Variants in GSK3B observed in about 807,000 individuals in gnomAD.
GSK3B encodes the protein glycogen synthase kinase-3 beta.
Under a neutral mutation model 56.4 loss-of-function variants are expected in GSK3B, and 15 were observed. The observed-to-expected ratio is 0.27, with a 90% CI of 0.18 to 0.41. The LOEUF is 0.41. GSK3B is among the 10% of genes least tolerant of loss of function. The pLI is 1.00. For missense variants in GSK3B, 300 were observed against 513.4 expected, an observed-to-expected ratio of 0.58 and a Z score of 4.02; for synonymous variants, 181 against 188.9, an observed-to-expected ratio of 0.96 and a Z score of 0.34.
intron 2 of GSK3B, among the ~76,000 whole-genome samples, chr3:119,984,767 G>A (rs761388533): frequency 2.0e-5 from 3 of 152,078 alleles, no homozygotes; most frequent in Admixed American, 6.6e-5. Context: ...GGTACAAAGA[G>A]GAGCTGGCAC....
chr3:119,922,228 G>GGAA (rs2056849305), intron 4 of GSK3B, among the ~76,000 whole-genome samples: 2 of 61,464 alleles, frequency 3.3e-5, no homozygotes, highest in African/African-American at 1.8e-4. Flanking sequence ...GAAGGAAGGA[G>GGAA]GGAAGGAAGG....
chr3:119,928,524 G>C (rs558432335), intron 3 of GSK3B, among the ~76,000 whole-genome samples: 2 of 146,096 alleles, frequency 1.4e-5, no homozygotes, highest in Admixed American at 7.0e-5. Context: ...AGAATCGCTT[G>C]AACCCAGGAG....
At position 119,826,785 on chromosome 3, in the gene GSK3B, T is replaced by C; in HGVS notation, c.*3A>G. 7 of 1,605,934 alleles carry C rather than the reference T, an allele frequency of 4.4e-6. No homozygotes were observed. Among genetic ancestry groups the C allele is most frequent in the Non-Finnish European group, 6.0e-6 (7 of 1,172,478 alleles). On this transcript the variant is annotated 3_prime_UTR_variant, in exon 11 of 11. Transcript: ENST00000264235. ...TCCTGTGCAGCTGGCTGCTCGGGAC[T>C]GTTCAGGTGGAGTTGGAAGCTGATG... is the stretch of plus-strand genomic sequence containing the variant.
At chr3:119,969,354 G>T (rs1038617769) in intron 2 of GSK3B, among the ~76,000 whole-genome samples, 3 of 151,822 alleles carry the variant, frequency 2.0e-5, no homozygotes, top group Admixed American at 1.3e-4. Context: ...GTCAAGGAAG[G>T]TCTAAATAAA....
chr3:119,985,385 G>A (rs139815943), intron 2 of GSK3B, among the ~76,000 whole-genome samples: 397 of 152,230 alleles, frequency 2.6e-3, no homozygotes, highest in African/African-American at 8.5e-3. Context: ...TAGGAAACAA[G>A]GAAGTCAAAT....
chr3:119,936,221 A>C (rs907689299), intron 3 of GSK3B, among the ~76,000 whole-genome samples: 4 of 151,526 alleles, frequency 2.6e-5, no homozygotes, highest in Non-Finnish European at 5.9e-5. Context: ...ATCTGCATTT[A>C]TCTCTTCTGT....
intron 1 of GSK3B, among the ~76,000 whole-genome samples, chr3:120,081,778 T>C (rs1455685544): frequency 1.3e-5 from 2 of 152,206 alleles, no homozygotes; most frequent in African/African-American, 4.8e-5. Flanking sequence ...TTATGTCATG[T>C]TGGAACTTAT....
chr3:119,869,235 A>AG lies in GSK3B; in HGVS notation c.910-5631_910-5630insC, dbSNP rs2056222392. On this transcript the variant is annotated intron_variant, in intron 8 of 10. Transcript: ENST00000264235. ...CAAGATTCCATCTCAAAAAAAAAAA[A>AG]AAAAAAAAAAACATATATTCTTTGG... Among the ~76,000 whole-genome samples the AG allele has an allele frequency of 1.0e-4, 15 of 150,360 alleles. No individual in the cohort carries two copies. In the East Asian group the frequency reaches 2.9e-3, roughly 29 times the overall value.
intron 1 of GSK3B, among the ~76,000 whole-genome samples, chr3:120,023,810 C>T (rs1171759894): frequency 6.6e-6 from 1 of 152,108 alleles, no homozygotes; most frequent in Non-Finnish European, 1.5e-5. Flanking sequence ...CAAGAGCAGC[C>T]AATTTCATTA....
intron 2 of GSK3B, among the ~76,000 whole-genome samples, chr3:119,992,299 A>G (rs1009290006): frequency 6.6e-6 from 1 of 152,148 alleles, no homozygotes; most frequent in Non-Finnish European, 1.5e-5. Context: ...TGGAAAGTCC[A>G]GAAATAGAGC....
Position 119,826,768 on chromosome 3 carries a change from AGC to A in GSK3B, c.*18_*19del. 2 of 1,570,218 alleles carry A rather than the reference AGC, an allele frequency of 1.3e-6. No homozygotes were observed. Among genetic ancestry groups the A allele is most frequent in the Non-Finnish European group, 1.8e-6 (2 of 1,139,760 alleles). On this transcript the variant is annotated 3_prime_UTR_variant, in exon 11 of 11. Coordinates refer to ENST00000264235, the MANE Select transcript of GSK3B (RefSeq NM_001146156.2). ...AAGTAACTGGTGGTTTTTCCTGTGC[AGC>A]TGGCTGCTCGGGACTGTTCAGGTGG...
intron 1 of GSK3B, among the ~76,000 whole-genome samples, chr3:120,054,944 T>C (rs1576299495): frequency 6.6e-6 from 1 of 152,166 alleles, no homozygotes; most frequent in East Asian, 1.9e-4. Context: ...TATCTGGGTG[T>C]CTTTCTTGAC....
rs75468667 is a variant in GSK3B at position 119,895,780 on chromosome 3, C to T, written c.813+9975G>A. On this transcript the variant is annotated intron_variant, in intron 7 of 10. Transcript: ENST00000264235. The stretch of plus-strand genomic sequence containing the variant: ...TAATTGATCTGTATGGCTACATTCA[C>T]GCCAGTAATACATTGTCTTGATTAC... Among the ~76,000 whole-genome samples the T allele has an allele frequency of 2.0e-3, 306 of 152,186 alleles. 5 individuals carry two copies. In the East Asian group the frequency reaches 0.05, roughly 25 times the overall value.
intron 2 of GSK3B, among the ~76,000 whole-genome samples, chr3:119,996,868 A>T (rs988845667): frequency 4.6e-5 from 7 of 152,146 alleles, no homozygotes; most frequent in African/African-American, 1.7e-4. Flanking sequence ...AAAAACAAAA[A>T]ATAAAAGAAA....
At chr3:119,977,939 A>G (rs1342367345) in intron 2 of GSK3B, among the ~76,000 whole-genome samples, 1 of 152,168 alleles carries the variant, frequency 6.6e-6, no homozygotes, top group African/African-American at 2.4e-5. Flanking sequence ...CAGCACAATA[A>G]TGTTTACTGA....
intron 1 of GSK3B, among the ~76,000 whole-genome samples, chr3:120,042,056 C>CGA (rs2058068809): frequency 6.6e-6 from 1 of 152,126 alleles, no homozygotes; most frequent in South Asian, 2.1e-4. Context: ...ATTAATCACC[C>CGA]GAGCACTGAA....
At chr3:119,847,808 TTA>T (rs2055875573) in intron 9 of GSK3B, among the ~76,000 whole-genome samples, 1 of 152,214 alleles carries the variant, frequency 6.6e-6, no homozygotes, top group Non-Finnish European at 1.5e-5. Context: ...AACATATTCT[TTA>T]TGTTTTTAAA....
intron 1 of GSK3B, among the ~76,000 whole-genome samples, chr3:120,057,542 T>C (rs923058500): frequency 6.6e-6 from 1 of 152,178 alleles, no homozygotes; most frequent in Non-Finnish European, 1.5e-5. Context: ...CAGCATTCCA[T>C]TGTATATATT....
Position 120,035,732 on chromosome 3 carries a change from G to A in GSK3B, c.89-33493C>T, listed in dbSNP as rs1290432067. ...TATTCATAAGTATTTTGTTCCTTTA[G>A]ATGGCATTATAAGTGGAACTGTTTC... On this transcript the variant is annotated intron_variant, in intron 1 of 10. Coordinates refer to ENST00000264235, the MANE Select transcript of GSK3B (RefSeq NM_001146156.2). 4.6e-5 allele frequency among the ~76,000 whole-genome samples: 7 copies of A among 151,976 alleles called. No homozygotes were observed. The East Asian group carries it at 1.3e-3, about 29-fold the overall frequency.
Sources: gnomAD v4.1 joint callset for allele counts (sites outside exome capture counted in the v4.1 genomes callset) on GRCh38, gnomAD v4.1.1 for gene constraint, MANE v1.5 for transcripts, NCBI Gene and HGNC (gene_info 2026-07-23, HGNC 2026-07-21) for gene names.